The following GNB1 variants were observed in gnomAD, a reference collection of about 807,000 sequenced individuals.
GNB1 encodes the protein G protein subunit beta 1.
A neutral mutation model predicts 42.9 loss-of-function variants in GNB1; 2 were observed. That is an observed-to-expected ratio of 0.05 (90% CI 0.02 to 0.15). The LOEUF is 0.15. Among genes scored for constraint, GNB1 ranks in the 10% least tolerant of loss-of-function variants. The pLI is 1.00. For synonymous variants in GNB1, 183 were observed against 174.7 expected (o/e 1.05, Z -0.38); for missense variants, 193 against 462.2 (o/e 0.42, Z 5.34).
intron 2 of GNB1, among the ~76,000 whole-genome samples, chr1:1,826,203 G>A (rs555187708): frequency 5.1e-4 from 77 of 152,254 alleles, no homozygotes; most frequent in African/African-American, 1.8e-3. Flanking sequence ...GATCACTTGA[G>A]GTCAGGAGTT....
At chr1:1,835,601 T>A (rs1647135568) in intron 2 of GNB1, among the ~76,000 whole-genome samples, 1 of 152,176 alleles carries the variant, frequency 6.6e-6, no homozygotes, top group Non-Finnish European at 1.5e-5. Flanking sequence ...ATCAAAAATA[T>A]ATGTAGCAGT....
intron 5 of GNB1, 97 bp downstream of exon 5, chr1:1,815,659 T>TGCACA (rs1646843890): frequency 1.5e-6 from 1 of 684,476 alleles, no homozygotes; most frequent in African/African-American, 1.8e-5. Context: ...ATTTCTTCAC[T>TGCACA]GCACAGCACA....
intron 5 of GNB1, among the ~76,000 whole-genome samples, chr1:1,813,745 C>T (rs140639063): frequency 0.014 from 2,126 of 152,326 alleles, 48 homozygotes; most frequent in African/African-American, 0.049. Flanking sequence ...CCTGCCTTGG[C>T]CTCCCAAAGT....
rs1023771900 is a variant in GNB1, at chr1:1,790,800, G to C, written c.498-204C>G. 6.6e-6 allele frequency among the ~76,000 whole-genome samples: 1 copy of C among 152,172 alleles called. No individual in the cohort carries two copies. Among genetic ancestry groups the C allele is most frequent in the Non-Finnish European group, 1.5e-5 (1 of 68,024 alleles). On this transcript the variant is annotated intron_variant, in intron 8 of 11. Transcript: ENST00000378609. The surrounding 1 kb of genome is among the most constrained non-coding windows in gnomAD (Gnocchi z 5.4). ...AAAGCAAAGCAAGCAAAATTATACA[G>C]AGATGAGCACAGGGCCTGGGCTTCA...
intron 2 of GNB1, among the ~76,000 whole-genome samples, chr1:1,828,848 C>G (rs1647034639): frequency 6.6e-6 from 1 of 151,886 alleles, no homozygotes; most frequent in South Asian, 2.1e-4. Context: ...TTGCGACCAG[C>G]CTGGGCAATA....
At chr1:1,845,821 CCATACACACA>C (rs1210133502) in intron 1 of GNB1, among the ~76,000 whole-genome samples, 17 of 96,296 alleles carry the variant, frequency 1.8e-4, no homozygotes, top group African/African-American at 7.7e-4. Flanking sequence ...GTGTGTAAGT[CCATACACACA>C]CACACACACA....
intron 1 of GNB1, among the ~76,000 whole-genome samples, chr1:1,849,572 A>AT (rs1487309591): frequency 2.5e-4 from 37 of 149,542 alleles, no homozygotes; most frequent in South Asian, 8.5e-4. Context: ...CACCTGGATA[A>AT]TTTTTTTTTT....
intron 7 of GNB1, among the ~76,000 whole-genome samples, chr1:1,797,521 C>T (rs1177878759): frequency 1.3e-5 from 2 of 152,062 alleles, no homozygotes; most frequent in Non-Finnish European, 2.9e-5. Flanking sequence ...TCACTGCAAC[C>T]TCCGCCACCC....
rs983388004 is a variant in GNB1, at chr1:1,785,789, C to T, written c.*1274G>A. 12 of 361,734 alleles carry T rather than the reference C, an allele frequency of 3.3e-5. No homozygotes were observed. Among genetic ancestry groups the T allele is most frequent in the Non-Finnish European group, 4.9e-5 (10 of 203,936 alleles). 22.4% of individuals were successfully genotyped at this position (361,734 alleles called of 1,614,324 possible). A position where few individuals can be genotyped will look rare whatever the true frequency, so the allele number is the denominator to read the frequency against. On this transcript the variant is annotated 3_prime_UTR_variant, in exon 12 of 12. Transcript: ENST00000378609. ...CCCACCCTCAGAATCCAACAGCAGT[C>T]GTTTGCAACAGAACTTTTTTTTTTT...
rs758356105 is a variant in GNB1, at chr1:1,790,419, G to A, written c.675C>T (p.His225=). The part of the protein sequence containing the change: ...EGMCRQTFTG[H]ESDINAICFF... Reference sequence around the variant, plus strand: ...CGCAAATGGCATTGATGTCAGACTCGTGGCCAGTGAAGGTCTGCCGGCACA... The same window carrying A: ...CGCAAATGGCATTGATGTCAGACTCATGGCCAGTGAAGGTCTGCCGGCACA... The change falls in exon 9 of 12, where the codon CAC becomes CAT. Residue 225 remains histidine (H), a synonymous_variant. Transcript: ENST00000378609. This position sits in a 1 kb window ranked among gnomAD's most constrained non-coding sequence, Gnocchi z 5.4. The A allele has an allele frequency of 3.1e-6, 5 of 1,613,580 alleles. No homozygotes were observed. Among genetic ancestry groups the A allele is most frequent in the Admixed American group, 3.3e-5 (2 of 60,000 alleles).
chr1:1,882,707 G>A (rs925107424), intron 1 of GNB1, among the ~76,000 whole-genome samples: 4 of 152,144 alleles, frequency 2.6e-5, no homozygotes, highest in African/African-American at 9.7e-5. Context: ...CAGATCACGA[G>A]GTCAGGAGTT....
chr1:1,807,474 A>C (rs1384661608), intron 5 of GNB1, among the ~76,000 whole-genome samples: 2 of 144,104 alleles, frequency 1.4e-5, no homozygotes, highest in Non-Finnish European at 3.1e-5. Flanking sequence ...AAAAAAAAAA[A>C]AAAAAAAAAA....
chr1:1,886,271 T>A (rs544400667), intron 1 of GNB1, among the ~76,000 whole-genome samples: 2 of 152,176 alleles, frequency 1.3e-5, no homozygotes, highest in East Asian at 3.9e-4. Context: ...TGAGCCGAGA[T>A]TGCGCCACTG....
chr1:1,821,286 T>C (rs1042924506), intron 3 of GNB1, among the ~76,000 whole-genome samples: 2 of 152,358 alleles, frequency 1.3e-5, no homozygotes, highest in Middle Eastern at 3.4e-3. Context: ...CTGTGCATCC[T>C]GTGGAGCTTT....
rs1224535415 is a variant in GNB1 at position 1,807,462 on chromosome 1, T to C, written c.204-924A>G. ...CTGGGCAACAGAGCGAGATCCTGAC[T>C]GAAAAAAAAAAAAAAAAAAAAAAAA... On this transcript the variant is annotated intron_variant, in intron 5 of 11. Transcript: ENST00000378609. 7.3e-4 allele frequency among the ~76,000 whole-genome samples: 18 copies of C among 24,640 alleles called. No homozygotes were observed. The East Asian group carries it at 0.014, about 19-fold the overall frequency. The allele number at this position is 24,640 out of a possible 152,430, so 16.2% of individuals were successfully genotyped here.
At chr1:1,844,002 T>C (rs186781259) in intron 1 of GNB1, among the ~76,000 whole-genome samples, 4 of 152,146 alleles carry the variant, frequency 2.6e-5, no homozygotes, top group African/African-American at 7.2e-5. Flanking sequence ...GAGACCATCC[T>C]GGCTAACTCG....
intron 1 of GNB1, among the ~76,000 whole-genome samples, chr1:1,874,649 G>T (rs1031545572): frequency 4.0e-5 from 6 of 150,326 alleles, no homozygotes; most frequent in Non-Finnish European, 8.9e-5. Context: ...AAATTAGCTG[G>T]GCATGCTGGC....
At chr1:1,828,856 A>G (rs1382371911) in intron 2 of GNB1, among the ~76,000 whole-genome samples, 2 of 151,686 alleles carry the variant, frequency 1.3e-5, no homozygotes, top group Non-Finnish European at 2.9e-5. Context: ...AGCCTGGGCA[A>G]TATGGCAAAA....
At chr1:1,793,929 G>C (rs992751635) in intron 7 of GNB1, 2 of 153,310 alleles carry the variant, frequency 1.3e-5, no homozygotes, top group Non-Finnish European at 2.9e-5. Flanking sequence ...GGTGGCAAGG[G>C]CCTGCAGGTC....
Sources: allele counts gnomAD v4.1 joint callset (sites outside exome capture counted in the v4.1 genomes callset), GRCh38; gene constraint gnomAD v4.1.1; non-coding constraint Gnocchi (gnomAD v3.1); transcripts MANE v1.5; gene names NCBI Gene and HGNC (gene_info 2026-07-23, HGNC 2026-07-21).